PCDH15: variants seen among roughly 807,000 people sequenced by gnomAD.
The protein encoded by PCDH15 is protocadherin related 15.
Under a neutral mutation model 178.5 loss-of-function variants are expected in PCDH15, and 129 were observed. The ratio of observed to expected loss-of-function variants is 0.72; its 90% CI spans 0.63 to 0.84. The LOEUF (loss-of-function observed/expected upper bound fraction) is 0.84, where lower values mean the gene tolerates loss of function less well. PCDH15 is among the 40% of genes least tolerant of loss of function. The pLI, the probability that PCDH15 is intolerant of heterozygous loss-of-function variation, is 0.00. For synonymous variants in PCDH15, 800 were observed against 732.0 expected, an observed-to-expected ratio of 1.09 and a Z score of -1.50; for missense variants, 2,230 against 2,099.9, an observed-to-expected ratio of 1.06 and a Z score of -1.21.
At chr10:55,486,357 T>C (rs1840298666) in intron 2 of PCDH15, among the ~76,000 whole-genome samples, 1 of 151,740 alleles carries the variant, frequency 6.6e-6, no homozygotes, top group Non-Finnish European at 1.5e-5. Context: ...GCAAATTTTT[T>C]CTATATGTAT....
intron 9 of PCDH15, among the ~76,000 whole-genome samples, chr10:54,226,745 G>C (rs1404826215): frequency 1.1e-4 from 17 of 152,138 alleles, no homozygotes; most frequent in African/African-American, 4.1e-4. Flanking sequence ...AAAATCAAAA[G>C]CAGGCTAGTT....
At position 53,806,733 on chromosome 10, in the gene PCDH15, T is replaced by C; in HGVS notation, c.5069A>G (p.Asn1690Ser). Residue 1690 changes from asparagine to serine, a missense_variant, in exon 38 of 38, where the codon AAC (asparagine) becomes AGC (serine). Coordinates refer to ENST00000644397, the MANE Select transcript of PCDH15 (RefSeq NM_001384140.1). ...CTGTTCAACTGTGCTTTTCAGCCTG[T>C]TCCTTAGTGGCTTCACCGCTGTATT... ...TDNTAVKPLR[N>S]RLKSTVEQES... is the part of the protein sequence containing the mutation. 6.2e-7 allele frequency: 1 copy of C among 1,613,864 alleles called. No individual in the cohort carries two copies. Among genetic ancestry groups the C allele is most frequent in the Non-Finnish European group, 8.5e-7 (1 of 1,179,818 alleles).
chr10:55,077,635 C>T (rs2132021834), intron 2 of PCDH15, among the ~76,000 whole-genome samples: 1 of 151,918 alleles, frequency 6.6e-6, no homozygotes, highest in African/African-American at 2.4e-5. Context: ...CTGCAAACTC[C>T]ACCTCCTGGG....
chr10:54,941,935 A>G (rs1838073747), intron 2 of PCDH15, among the ~76,000 whole-genome samples: 1 of 151,968 alleles, frequency 6.6e-6, no homozygotes, highest in Non-Finnish European at 1.5e-5. Flanking sequence ...GTCTCTTTCA[A>G]TGATTTCTCT....
At chr10:55,062,665 T>C (rs1461783458) in intron 2 of PCDH15, among the ~76,000 whole-genome samples, 2 of 152,146 alleles carry the variant, frequency 1.3e-5, no homozygotes, top group East Asian at 3.9e-4. Context: ...GGTAGACACA[T>C]GTCAATATAA....
At chr10:54,314,216 A>C (rs2061089829) in intron 8 of PCDH15, among the ~76,000 whole-genome samples, 1 of 152,062 alleles carries the variant, frequency 6.6e-6, no homozygotes, top group Non-Finnish European at 1.5e-5. Context: ...GATTATTATC[A>C]AGTATTAAAT....
chr10:54,701,750 C>A (rs545570761), intron 1 of PCDH15, among the ~76,000 whole-genome samples: 34 of 152,050 alleles, frequency 2.2e-4, no homozygotes, highest in African/African-American at 6.7e-4. Context: ...AACAAGAAAT[C>A]CCAGCTATCC....
chr10:54,960,167 C>T (rs1208764070), intron 2 of PCDH15, among the ~76,000 whole-genome samples: 2 of 152,030 alleles, frequency 1.3e-5, no homozygotes, highest in Non-Finnish European at 2.9e-5. Context: ...TATATCAAAC[C>T]TCTCACCTGA....
chr10:53,822,393 CAAAAAAGAG>C (rs1292655164), intron 32 of PCDH15: 3 of 1,565,514 alleles, frequency 1.9e-6, no homozygotes, highest in Non-Finnish European at 8.6e-7. Context: ...GGGAGGAGGA[CAAAAAAGAG>C]AAAAAGGAGA....
Position 54,089,993 on chromosome 10 carries a change from A to C in PCDH15, c.1988T>G (p.Leu663Arg), listed in dbSNP as rs201175863. 1 of 1,609,220 alleles carries C rather than the reference A, an allele frequency of 6.2e-7. No homozygotes were observed. The highest frequency in any genetic ancestry group is 8.5e-7 in the Non-Finnish European group (1 of 1,175,910). Reference sequence around the variant, plus strand: ...ATCATTTTTAACTTACGTTTCTGAAAGATTAAAAACTCTCTGAGGATCTCC... The same window carrying C: ...ATCATTTTTAACTTACGTTTCTGAACGATTAAAAACTCTCTGAGGATCTCC... ...ENGDPQRVFNLSETTGILTLG... is the reference protein window; with the variant it reads ...ENGDPQRVFNRSETTGILTLG... Residue 663 changes from leucine (L) to arginine (R), a missense_variant, in exon 16 of 38, where the codon CTT (leucine) becomes CGT (arginine). By Grantham distance (102) the Leu-to-Arg change is moderately radical. Transcript: ENST00000644397.
At chr10:55,233,261 A>C (rs2132201108) in intron 1 of PCDH15, among the ~76,000 whole-genome samples, 1 of 152,226 alleles carries the variant, frequency 6.6e-6, no homozygotes, top group African/African-American at 2.4e-5. Context: ...TATATACAAA[A>C]GCTTTTGCTT....
chr10:54,906,420 G>A (rs1954722753), intron 2 of PCDH15, among the ~76,000 whole-genome samples: 1 of 151,776 alleles, frequency 6.6e-6, no homozygotes, highest in Non-Finnish European at 1.5e-5. Context: ...ATTTTACCAA[G>A]CTCACATTAA....
chr10:55,005,655 CTGTAAGTTCATTTAT>C (rs1385176884), intron 2 of PCDH15, among the ~76,000 whole-genome samples: 1 of 151,890 alleles, frequency 6.6e-6, no homozygotes, highest in Non-Finnish European at 1.5e-5. Context: ...CTCTATTCTT[CTGTAAGTTCATTTAT>C]TGTTAACACT....
At chr10:54,655,300 G>GAGAGAGAGAGAGAGAGAC (rs1158121522) in intron 2 of PCDH15, among the ~76,000 whole-genome samples, 7 of 111,386 alleles carry the variant, frequency 6.3e-5, no homozygotes, top group Non-Finnish European at 1.0e-4. Flanking sequence ...GAGAGAGAGA[G>GAGAGAGAGAGAGAGAGAC]AGACAGAGAG....
At chr10:55,161,806 T>G (rs182460845) in intron 2 of PCDH15, among the ~76,000 whole-genome samples, 1 of 152,252 alleles carries the variant, frequency 6.6e-6, no homozygotes, top group East Asian at 1.9e-4. Flanking sequence ...AATGCTGCTT[T>G]AACAAAGTGC....
intron 2 of PCDH15, among the ~76,000 whole-genome samples, chr10:54,549,586 A>G (rs1386213290): frequency 6.6e-6 from 1 of 151,776 alleles, no homozygotes; most frequent in African/African-American, 2.4e-5. Context: ...CCCATTTTTA[A>G]AGTTTCATTT....
chr10:54,914,523 A>G (rs2131837923), intron 2 of PCDH15, among the ~76,000 whole-genome samples: 1 of 140,322 alleles, frequency 7.1e-6, no homozygotes, highest in East Asian at 2.0e-4. Context: ...AATCAAGATC[A>G]AAGTTACTGG....
chr10:55,002,535 T>C (rs1839817369), intron 2 of PCDH15, among the ~76,000 whole-genome samples: 1 of 18,040 alleles, frequency 5.5e-5, no homozygotes. Context: ...CAAGTCATAG[T>C]GTTTTAATTT....
At chr10:55,459,232 C>CA (rs34129735) in intron 2 of PCDH15, among the ~76,000 whole-genome samples, 33 of 28,032 alleles carry the variant, frequency 1.2e-3, no homozygotes, top group Admixed American at 2.2e-3. Flanking sequence ...TCCTTGGAGG[C>CA]AAAAAAAAAA....
Sources: gnomAD v4.1 joint callset for allele counts (sites outside exome capture counted in the v4.1 genomes callset) on GRCh38, gnomAD v4.1.1 for gene constraint, MANE v1.5 for transcripts, NCBI Gene and HGNC (gene_info 2026-07-23, HGNC 2026-07-21) for gene names.